The following EHMT1 variants were observed in gnomAD, a reference collection of about 807,000 sequenced individuals.
The protein encoded by EHMT1 is euchromatic histone lysine methyltransferase 1.
Under a neutral mutation model 147.2 loss-of-function variants are expected in EHMT1, and 15 were observed. That is an observed-to-expected ratio of 0.10 (90% CI 0.07 to 0.16). The LOEUF (loss-of-function observed/expected upper bound fraction) is 0.16. EHMT1 is among the 10% of genes least tolerant of loss of function. EHMT1 has a pLI of 1.00. For missense variants in EHMT1, 1,587 were observed against 1,772.4 expected, an observed-to-expected ratio of 0.90 and a Z score of 1.88; for synonymous variants, 795 against 709.6, an observed-to-expected ratio of 1.12 and a Z score of -1.91.
In EHMT1 at chr9:137,811,464, G is replaced by A. The variant is rs2137670696; in HGVS notation, c.2716G>A (p.Glu906Lys). 1 of 1,612,508 alleles carries A rather than the reference G, an allele frequency of 6.2e-7. No homozygotes were observed. Among genetic ancestry groups the A allele is most frequent in the East Asian group, 2.2e-5 (1 of 44,860 alleles). Residue 906 changes from glutamate to lysine, a missense_variant, in exon 19 of 27, where the codon GAG becomes AAG. By Grantham distance (56) the Glu-to-Lys change is moderately conservative. Around this residue, in one of 7 missense-constraint regions of EHMT1, gnomAD observed 201 missense variants for 350.1 expected, o/e 0.57. Coordinates refer to ENST00000460843, the MANE Select transcript of EHMT1 (RefSeq NM_024757.5). ...GSDINIRDNE[E>K]NICLHWAAFS... Reference sequence around the variant, plus strand: ...GCTCTGGCTTGTGTCTGTTCAGGAGGAGAACATTTGCCTGCACTGGGCGGC... The same window carrying A: ...GCTCTGGCTTGTGTCTGTTCAGGAGAAGAACATTTGCCTGCACTGGGCGGC...
At chr9:137,803,744 G>A (rs1306997838) in intron 18 of EHMT1, among the ~76,000 whole-genome samples, 3 of 151,764 alleles carry the variant, frequency 2.0e-5, no homozygotes, top group African/African-American at 2.4e-5. Context: ...CCAGGTACTC[G>A]GGAGGCTAAG....
chr9:137,668,659 C>T (rs1939987589), intron 1 of EHMT1, among the ~76,000 whole-genome samples: 1 of 152,170 alleles, frequency 6.6e-6, no homozygotes, highest in African/African-American at 2.4e-5. Context: ...CACTCATCTG[C>T]TTTCCTTCCC....
At chr9:137,781,875 C>T (rs896187693) in intron 14 of EHMT1, among the ~76,000 whole-genome samples, 2 of 152,198 alleles carry the variant, frequency 1.3e-5, no homozygotes, top group South Asian at 2.1e-4. Flanking sequence ...CGTTGCTCAC[C>T]GTCCTCTCAG....
At chr9:137,834,122 C>G (rs1038663189) in intron 25 of EHMT1, 2 of 612,950 alleles carry the variant, frequency 3.3e-6, no homozygotes, top group Non-Finnish European at 5.7e-6. Context: ...CCACCACAGA[C>G]GGAGGCCCAG....
In EHMT1 at chr9:137,819,652, AGGGGG is replaced by A. The variant is rs34202822; in HGVS notation, c.3540+1519_3540+1523del. Among the ~76,000 whole-genome samples the A allele has an allele frequency of 9.1e-5, 8 of 88,142 alleles. 1 individual carries two copies. The South Asian group carries it at 2.0e-3, about 22-fold the overall frequency. 57.8% of individuals were successfully genotyped at this position (88,142 alleles called of 152,430 possible). On this transcript the variant is annotated intron_variant, in intron 25 of 26. Coordinates refer to ENST00000460843, the MANE Select transcript of EHMT1 (RefSeq NM_024757.5). ...GTGTACCGAGACTGTAGAGAGGCTGAGGGGGGGGGCGCCGTGTGCCGAGACTGTAA... is the reference window on the plus strand; with the variant it reads ...GTGTACCGAGACTGTAGAGAGGCTGAGGGGCGCCGTGTGCCGAGACTGTAA...
At chr9:137,807,542 C>T (rs1954055181) in intron 18 of EHMT1, among the ~76,000 whole-genome samples, 1 of 151,794 alleles carries the variant, frequency 6.6e-6, no homozygotes, top group South Asian at 2.1e-4. Flanking sequence ...GAGTTTCACT[C>T]TTTTGCCCAG....
intron 14 of EHMT1, among the ~76,000 whole-genome samples, chr9:137,780,958 T>C: frequency 7.6e-6 from 1 of 130,792 alleles, no homozygotes; most frequent in South Asian, 2.7e-4. Context: ...TGTGTGGTGA[T>C]GACGCTGAGA....
At position 137,620,156 on chromosome 9, in the gene EHMT1, A is replaced by T. The variant is rs964933095; in HGVS notation, c.21+1107A>T. The T allele has an allele frequency of 5.3e-5, 8 of 152,302 alleles. No homozygotes were observed. The East Asian group carries it at 1.5e-3, about 29-fold the overall frequency. The allele number at this position is 152,302 out of a possible 1,614,324, so 9.4% of individuals were successfully genotyped here. A position where few individuals can be genotyped will look rare whatever the true frequency, so the allele number is the denominator to read the frequency against. On this transcript the variant is annotated intron_variant, in intron 1 of 26. Coordinates refer to ENST00000460843, the MANE Select transcript of EHMT1 (RefSeq NM_024757.5). ...ACTGGGAAGGTGCAGGGGAATTCTT[A>T]AATTCAATGCAAGGAGTTTTTGCTG... is the stretch of plus-strand genomic sequence containing the variant.
At position 137,834,339 on chromosome 9, in the gene EHMT1, C is replaced by T. The variant is rs754200782; in HGVS notation, c.3541-10C>T. The T allele has an allele frequency of 6.2e-7, 1 of 1,612,426 alleles. No individual in the cohort carries two copies. The highest frequency in any genetic ancestry group is 8.5e-7 in the Non-Finnish European group (1 of 1,179,692). On this transcript the variant is annotated splice_polypyrimidine_tract_variant and intron_variant, in intron 25 of 26. Coordinates refer to ENST00000460843, the MANE Select transcript of EHMT1 (RefSeq NM_024757.5). ...CTAACTGCAGCCCGTGCCGGCTTCT[C>T]GCCCTGCAGGACGGGGAGGTTTACT...
In EHMT1 at chr9:137,834,477, G is replaced by C; in HGVS notation, c.3669G>C (p.Arg1223=). 1 of 1,612,710 alleles carries C rather than the reference G, an allele frequency of 6.2e-7. No individual in the cohort carries two copies. Among genetic ancestry groups the C allele is most frequent in the East Asian group, 2.2e-5 (1 of 44,874 alleles). The change falls in exon 26 of 27, where the codon CGG becomes CGC. Residue 1223 remains arginine (R), a synonymous_variant. Coordinates refer to ENST00000460843, the MANE Select transcript of EHMT1 (RefSeq NM_024757.5). ...CCCACCAGGACCTGCGGTTCCCCCGGATCGCCTTCTTCAGCACCCGCCTGA... is the reference window on the plus strand; with the variant it reads ...CCCACCAGGACCTGCGGTTCCCCCGCATCGCCTTCTTCAGCACCCGCCTGA... ...FMAHQDLRFP[R]IAFFSTRLIE...
chr9:137,804,116 G>T (rs1323727023), intron 18 of EHMT1, among the ~76,000 whole-genome samples: 1 of 152,166 alleles, frequency 6.6e-6, no homozygotes, highest in African/African-American at 2.4e-5. Flanking sequence ...ACCAGCTCTT[G>T]TGAGAACTCA....
At chr9:137,714,423 G>A (rs1945016956) in intron 2 of EHMT1, among the ~76,000 whole-genome samples, 1 of 151,954 alleles carries the variant, frequency 6.6e-6, no homozygotes, top group African/African-American at 2.4e-5. Context: ...TTGATATTTG[G>A]CATATTAATT....
intron 1 of EHMT1, among the ~76,000 whole-genome samples, chr9:137,633,845 C>G (rs556877365): frequency 7.3e-4 from 105 of 144,512 alleles, no homozygotes; most frequent in Non-Finnish European, 1.3e-3. Context: ...TTTTTTGAGA[C>G]AGTCTCGCTC....
chr9:137,813,259 G>C lies in EHMT1; in HGVS notation c.3035+86G>C. On this transcript the variant is annotated intron_variant, in intron 20 of 26. Transcript: ENST00000460843. The surrounding 1 kb of genome is among the most constrained non-coding windows in gnomAD (Gnocchi z 4.9). ...TGCGGTGAAAGCTGCTCCTGAAGCCGAAACATCCCCAGGCTGCAGTCCAAA... is the reference window on the plus strand; with the variant it reads ...TGCGGTGAAAGCTGCTCCTGAAGCCCAAACATCCCCAGGCTGCAGTCCAAA... 2 of 1,566,398 alleles carry C rather than the reference G, an allele frequency of 1.3e-6. No individual in the cohort carries two copies. The highest frequency in any genetic ancestry group is 2.3e-5 in the South Asian group (2 of 87,694).
intron 1 of EHMT1, among the ~76,000 whole-genome samples, chr9:137,669,029 T>G (rs1322754513): frequency 1.3e-5 from 2 of 152,138 alleles, no homozygotes; most frequent in Non-Finnish European, 2.9e-5. Context: ...TGGGACCACG[T>G]GCGTGCGCCA....
chr9:137,703,173 T>C (rs1943979316), intron 1 of EHMT1, among the ~76,000 whole-genome samples: 1 of 152,186 alleles, frequency 6.6e-6, no homozygotes, highest in Non-Finnish European at 1.5e-5. Context: ...AGGCCCTGGG[T>C]CTGGCCCACA....
intron 1 of EHMT1, among the ~76,000 whole-genome samples, chr9:137,659,681 T>A (rs979254328): frequency 1.3e-5 from 2 of 151,432 alleles, no homozygotes; most frequent in Non-Finnish European, 2.9e-5. Context: ...GCTTCCCGAG[T>A]AGCTGGGACC....
At chr9:137,817,218 C>T (rs747144873) in intron 23 of EHMT1, 41 of 618,214 alleles carry the variant, frequency 6.6e-5, no homozygotes, top group Middle Eastern at 3.6e-4. Flanking sequence ...AGTGACTTGC[C>T]GAGGTTGTGG....
intron 1 of EHMT1, among the ~76,000 whole-genome samples, chr9:137,678,500 G>A (rs370009562): frequency 6.6e-5 from 10 of 152,096 alleles, no homozygotes; most frequent in Non-Finnish European, 1.5e-4. Flanking sequence ...AGTTCCCTGC[G>A]TGCAGCCGTG....
Sources: gnomAD v4.1 joint callset for allele counts (sites outside exome capture counted in the v4.1 genomes callset) on GRCh38, gnomAD v4.1.1 for gene constraint, gnomAD v4.1.1 regional missense constraint, Gnocchi (gnomAD v3.1) non-coding constraint, MANE v1.5 for transcripts, NCBI Gene and HGNC (gene_info 2026-07-23, HGNC 2026-07-21) for gene names.